GABRB1: variants seen among roughly 807,000 people sequenced by gnomAD.
GABRB1 encodes gamma-aminobutyric acid type A receptor subunit beta1.
Under a neutral mutation model 51.6 loss-of-function variants are expected in GABRB1, and 17 were observed. The ratio of observed to expected loss-of-function variants is 0.33; its 90% CI spans 0.23 to 0.49. The LOEUF (loss-of-function observed/expected upper bound fraction) is 0.49. Among genes scored for constraint, GABRB1 ranks in the 20% least tolerant of loss-of-function variants. The pLI, the probability that GABRB1 is intolerant of heterozygous loss-of-function variation, is 0.99. For missense variants in GABRB1, 410 were observed against 600.6 expected, an observed-to-expected ratio of 0.68 and a Z score of 3.32; for synonymous variants, 247 against 218.9, an observed-to-expected ratio of 1.13 and a Z score of -1.14.
chr4:47,013,854 G>C (rs1724657353), intron 1 of GABRB1, among the ~76,000 whole-genome samples: 1 of 152,156 alleles, frequency 6.6e-6, no homozygotes, highest in African/African-American at 2.4e-5. Flanking sequence ...TTACTTTTAT[G>C]TGGAGTTGCA....
chr4:47,369,899 A>G (rs1263309217), intron 5 of GABRB1, among the ~76,000 whole-genome samples: 2 of 152,210 alleles, frequency 1.3e-5, no homozygotes, highest in African/African-American at 2.4e-5. Flanking sequence ...CATGCAAAAA[A>G]GGGTAGCTAT....
intron 5 of GABRB1, among the ~76,000 whole-genome samples, chr4:47,402,900 A>G (rs2110050953): frequency 6.6e-6 from 1 of 152,284 alleles, no homozygotes; most frequent in African/African-American, 2.4e-5. Flanking sequence ...ATCTCTTTAC[A>G]CTATCTGTTA....
intron 3 of GABRB1, among the ~76,000 whole-genome samples, chr4:47,148,131 G>GA (rs1396588091): frequency 7.2e-5 from 11 of 151,986 alleles, no homozygotes; most frequent in Non-Finnish European, 1.3e-4. Flanking sequence ...AGTATAGACA[G>GA]AATAAAGAAA....
At chr4:47,011,954 G>A (rs895643628) in intron 1 of GABRB1, among the ~76,000 whole-genome samples, 1 of 152,102 alleles carries the variant, frequency 6.6e-6, no homozygotes, top group Non-Finnish European at 1.5e-5. Context: ...TCCACACTGA[G>A]TGCTATTAAA....
At chr4:47,107,334 G>A (rs964749470) in intron 3 of GABRB1, among the ~76,000 whole-genome samples, 1 of 152,010 alleles carries the variant, frequency 6.6e-6, no homozygotes, top group Admixed American at 6.6e-5. Context: ...TCTGATGGGT[G>A]GATATACAAC....
chr4:47,148,979 A>G (rs1251681624), intron 3 of GABRB1, among the ~76,000 whole-genome samples: 2 of 152,002 alleles, frequency 1.3e-5, no homozygotes, highest in Non-Finnish European at 2.9e-5. Context: ...CATGCTTGTT[A>G]TATGATACAG....
At chr4:47,168,976 G>T (rs1162565965) in intron 4 of GABRB1, among the ~76,000 whole-genome samples, 3 of 151,780 alleles carry the variant, frequency 2.0e-5, no homozygotes, top group Non-Finnish European at 4.4e-5. Context: ...CCTTTTGTAA[G>T]GACACCAGCC....
chr4:47,270,584 T>C (rs1239898088), intron 4 of GABRB1, among the ~76,000 whole-genome samples: 1 of 152,228 alleles, frequency 6.6e-6, no homozygotes, highest in African/African-American at 2.4e-5. Flanking sequence ...TGAAGTTTTC[T>C]GATTAGAAAT....
chr4:47,255,962 G>T (rs1407520217), intron 4 of GABRB1, among the ~76,000 whole-genome samples: 1 of 152,138 alleles, frequency 6.6e-6, no homozygotes, highest in Non-Finnish European at 1.5e-5. Flanking sequence ...GAATAACCTG[G>T]ATATCTACTG....
At chr4:47,293,279 T>A (rs2109925352) in intron 4 of GABRB1, among the ~76,000 whole-genome samples, 1 of 152,256 alleles carries the variant, frequency 6.6e-6, no homozygotes, top group East Asian at 1.9e-4. Context: ...GTAGCTGGGA[T>A]TACAGGCATG....
chr4:47,104,435 T>G (rs1231228362), intron 3 of GABRB1, among the ~76,000 whole-genome samples: 4 of 152,004 alleles, frequency 2.6e-5, no homozygotes, highest in Non-Finnish European at 4.4e-5. Context: ...GATCTATGAC[T>G]GTAATTAATT....
intron 4 of GABRB1, among the ~76,000 whole-genome samples, chr4:47,211,763 T>C (rs1413101175): frequency 2.0e-5 from 3 of 152,178 alleles, no homozygotes; most frequent in Admixed American, 2.0e-4. Context: ...GAAGCTCTAG[T>C]GGGAGAAGCT....
intron 4 of GABRB1, among the ~76,000 whole-genome samples, chr4:47,171,645 T>C (rs1343804777): frequency 6.6e-6 from 1 of 152,172 alleles, no homozygotes; most frequent in Non-Finnish European, 1.5e-5. Context: ...TCATTAGCTC[T>C]TTATATGGGA....
chr4:47,099,824 A>C lies in GABRB1; in HGVS notation c.241-61425A>C, dbSNP rs1271130879. Among the ~76,000 whole-genome samples the C allele has an allele frequency of 5.0e-4, 34 of 68,618 alleles. No individual in the cohort carries two copies. In the Admixed American group the frequency reaches 5.7e-3, roughly 11 times the overall value. 45.0% of individuals were successfully genotyped at this position (68,618 alleles called of 152,430 possible). Reference sequence around the variant, plus strand: ...TCAATGCTCTGCTTTAATGAGCATTAAAATCACTTAAAAAAAAACAACCAA... The same window carrying C: ...TCAATGCTCTGCTTTAATGAGCATTCAAATCACTTAAAAAAAAACAACCAA... On this transcript the variant is annotated intron_variant, in intron 3 of 8. Coordinates refer to ENST00000295454, the MANE Select transcript of GABRB1 (RefSeq NM_000812.4).
chr4:47,183,362 ATATATATATATATATATAT>A (rs1485574873), intron 4 of GABRB1, among the ~76,000 whole-genome samples: 3 of 146,236 alleles, frequency 2.1e-5, no homozygotes, highest in African/African-American at 7.5e-5. Flanking sequence ...ATATATATAT[ATATATATATATATATATAT>A]TCCACCACTC....
intron 5 of GABRB1, among the ~76,000 whole-genome samples, chr4:47,361,927 A>T (rs1359911744): frequency 6.6e-6 from 1 of 152,136 alleles, no homozygotes; most frequent in Non-Finnish European, 1.5e-5. Flanking sequence ...TAGGCTGGAC[A>T]TGTACATTTG....
rs67749563 is a variant in GABRB1, at chr4:47,140,093, A to AAC, written c.241-21108_241-21107dup. 9.6e-3 allele frequency among the ~76,000 whole-genome samples: 1,298 copies of AAC among 135,392 alleles called. 10 individuals carry two copies. Among genetic ancestry groups the AAC allele is most frequent in the Middle Eastern group, 0.021 (6 of 280 alleles). 88.8% of individuals were successfully genotyped at this position (135,392 alleles called of 152,430 possible). A position where few individuals can be genotyped will look rare whatever the true frequency, so the allele number is the denominator to read the frequency against. Reference sequence around the variant, plus strand: ...ATATTCCTGGTAACTAAATTAAATTAACACACACACACACACACACACACA... The same window carrying AAC: ...ATATTCCTGGTAACTAAATTAAATTAACACACACACACACACACACACACACA... On this transcript the variant is annotated intron_variant, in intron 3 of 8. Transcript: ENST00000295454.
At chr4:47,218,783 A>T (rs886143753) in intron 4 of GABRB1, among the ~76,000 whole-genome samples, 3 of 151,782 alleles carry the variant, frequency 2.0e-5, no homozygotes, top group African/African-American at 7.2e-5. Context: ...TTTTATTTCA[A>T]AGTTCATGAG....
In GABRB1 at chr4:47,387,620, C is replaced by T. The variant is rs16860188; in HGVS notation, c.545-15698C>T. Among the ~76,000 whole-genome samples the T allele has an allele frequency of 9.0e-3, 1,369 of 152,238 alleles. 23 individuals are homozygous for T. Among genetic ancestry groups the T allele is most frequent in the African/African-American group, 0.031 (1,290 of 41,532 alleles). ...AAAAACCATTTGATTGTGGAAAAAG[C>T]GAATTTGAACTTGTGCTGCTTTAAT... On this transcript the variant is annotated intron_variant, in intron 5 of 8. Transcript: ENST00000295454.
Sources: allele counts gnomAD v4.1 joint callset (sites outside exome capture counted in the v4.1 genomes callset), GRCh38; gene constraint gnomAD v4.1.1; transcripts MANE v1.5; gene names NCBI Gene and HGNC (gene_info 2026-07-23, HGNC 2026-07-21).